ABCC12: variants seen among roughly 807,000 people sequenced by gnomAD.
The protein encoded by ABCC12 is ATP-binding cassette sub-family C member 12.
In ABCC12, 142 loss-of-function variants were observed where a neutral mutation model predicts 151.1. That is an observed-to-expected ratio of 0.94 (90% CI 0.82 to 1.08). The LOEUF (loss-of-function observed/expected upper bound fraction) is 1.08, where lower values mean the gene tolerates loss of function less well. Among genes scored for constraint, ABCC12 ranks in the 50% least tolerant of loss-of-function variants. ABCC12 has a pLI of 0.00. For missense variants in ABCC12, 1,638 were observed against 1,691.1 expected, an observed-to-expected ratio of 0.97 and a Z score of 0.55; for synonymous variants, 645 against 646.4, an observed-to-expected ratio of 1.00 and a Z score of 0.03.
rs187475642 is a variant in ABCC12 at position 48,117,110 on chromosome 16, G to A, written c.1785+151C>T. ...ACATCCAGCAAGTATAGATCCAGAG[G>A]AAGAATTCAGAATGGGTGGAACCTG... is the stretch of plus-strand genomic sequence containing the variant. On this transcript the variant is annotated intron_variant, in intron 14 of 30. Coordinates refer to ENST00000311303, the MANE Select transcript of ABCC12 (RefSeq NM_001393797.1). The A allele has an allele frequency of 1.2e-4, 82 of 659,734 alleles. No individual in the cohort carries two copies. The East Asian group carries it at 2.3e-3, about 18-fold the overall frequency. The allele number at this position is 659,734 out of a possible 1,614,324, so 40.9% of individuals were successfully genotyped here. A position where few individuals can be genotyped will look rare whatever the true frequency, so the allele number is the denominator to read the frequency against.
chr16:48,100,904 G>C lies in ABCC12; in HGVS notation c.3006C>G (p.His1002Gln). Residue 1002 changes from histidine to glutamine, a missense_variant, in exon 23 of 31, where the codon CAC (histidine) becomes CAG (glutamine). Physicochemically the swap from His to Gln is conservative, Grantham distance 24. Coordinates refer to ENST00000311303, the MANE Select transcript of ABCC12 (RefSeq NM_001393797.1). ...TGCAGCTCTCCTTCTTGCCATAGGC[G>C]TGAATGATGCCCAGGCCCTGCATGG... is the stretch of plus-strand genomic sequence containing the variant. ...TSSMQGLGII[H>Q]AYGKKESCIT... The C allele has an allele frequency of 6.2e-7, 1 of 1,614,186 alleles. No homozygotes were observed. Among genetic ancestry groups the C allele is most frequent in the South Asian group, 1.1e-5 (1 of 91,076 alleles).
At chr16:48,123,710 C>A (rs1964146594) in intron 12 of ABCC12, among the ~76,000 whole-genome samples, 1 of 152,192 alleles carries the variant, frequency 6.6e-6, no homozygotes, top group African/African-American at 2.4e-5. Context: ...TGGGGTCACC[C>A]AACTAGAAGG....
In ABCC12 at chr16:48,141,203, C is replaced by T. The variant is rs373333773; in HGVS notation, c.423+3G>A. On this transcript the variant is annotated splice_donor_region_variant and intron_variant, in intron 5 of 30. Coordinates refer to ENST00000311303, the MANE Select transcript of ABCC12 (RefSeq NM_001393797.1). ...GATGAGGAGGAAGGGCTGCCGCACT[C>T]ACCGGCCCTATGGCTGCCATGATGA... The T allele has an allele frequency of 1.9e-6, 3 of 1,613,508 alleles. No individual in the cohort carries two copies. In the South Asian group the frequency reaches 3.3e-5, roughly 18 times the overall value.
At chr16:48,094,624 G>C (rs1449347604) in intron 24 of ABCC12, among the ~76,000 whole-genome samples, 1 of 152,164 alleles carries the variant, frequency 6.6e-6, no homozygotes, top group African/African-American at 2.4e-5. Context: ...AGGCATGGGA[G>C]CACACATGCA....
intron 15 of ABCC12, 134 bp from the exon 16 acceptor site, chr16:48,112,044 A>G: frequency 8.8e-7 from 1 of 1,131,832 alleles, no homozygotes; most frequent in Admixed American, 2.8e-5. Flanking sequence ...TGTCCTGTGC[A>G]TTGTAGGATA....
chr16:48,152,159 T>C (rs1436995089), intron 2 of ABCC12, among the ~76,000 whole-genome samples: 3 of 152,234 alleles, frequency 2.0e-5, no homozygotes, highest in African/African-American at 7.2e-5. Flanking sequence ...CAGAATTTTC[T>C]GTACCCAAGG....
chr16:48,152,759 C>A (rs1344216424), intron 2 of ABCC12, among the ~76,000 whole-genome samples: 1 of 152,186 alleles, frequency 6.6e-6, no homozygotes, highest in African/African-American at 2.4e-5. Context: ...GCATACCCTG[C>A]GTCTAGTCTT....
chr16:48,145,846 T>C (rs989374024), intron 3 of ABCC12, among the ~76,000 whole-genome samples: 12 of 152,228 alleles, frequency 7.9e-5, no homozygotes, highest in African/African-American at 2.9e-4. Context: ...AGTTGCTTTA[T>C]TTTATGGGTC....
chr16:48,091,386 G>A, intron 24 of ABCC12, 177 bp from the exon 25 acceptor site: 1 of 616,656 alleles, frequency 1.6e-6, no homozygotes, highest in South Asian at 1.9e-5. Context: ...TCCTGTTCGG[G>A]TGTTTTGCCT....
At chr16:48,125,572 A>C (rs1191359620) in intron 11 of ABCC12, among the ~76,000 whole-genome samples, 1 of 152,182 alleles carries the variant, frequency 6.6e-6, no homozygotes, top group Non-Finnish European at 1.5e-5. Context: ...CATTGCAGGC[A>C]AACAGCCCAT....
intron 13 of ABCC12, among the ~76,000 whole-genome samples, chr16:48,119,284 C>T (rs544620799): frequency 6.6e-6 from 1 of 152,370 alleles, no homozygotes; most frequent in East Asian, 1.9e-4. Context: ...GCTCATTCCT[C>T]CCTGGTGCAC....
At chr16:48,092,146 A>C (rs965339361) in intron 24 of ABCC12, among the ~76,000 whole-genome samples, 1 of 152,256 alleles carries the variant, frequency 6.6e-6, no homozygotes, top group Non-Finnish European at 1.5e-5. Flanking sequence ...GAGTGCGGGC[A>C]TCTGACTCCA....
At position 48,140,682 on chromosome 16, in the gene ABCC12, C is replaced by A. The variant is rs1964773400; in HGVS notation, c.657+5G>T. On this transcript the variant is annotated splice_donor_5th_base_variant and intron_variant, in intron 6 of 30. Coordinates refer to ENST00000311303, the MANE Select transcript of ABCC12 (RefSeq NM_001393797.1). ...CCAACATTAAACTCCTCTGAGCCAG[C>A]TTACCTCGCCAACAGAGATGTGGGT... The A allele has an allele frequency of 6.2e-7, 1 of 1,613,370 alleles. No individual in the cohort carries two copies.
intron 24 of ABCC12, among the ~76,000 whole-genome samples, chr16:48,093,094 G>A (rs971817443): frequency 1.3e-5 from 2 of 152,192 alleles, no homozygotes; most frequent in East Asian, 3.9e-4. Context: ...ACAACCTGGC[G>A]GGAGGGACGT....
At chr16:48,114,521 G>A (rs941523557) in intron 15 of ABCC12, among the ~76,000 whole-genome samples, 3 of 152,124 alleles carry the variant, frequency 2.0e-5, no homozygotes, top group African/African-American at 4.8e-5. Flanking sequence ...TAAAGAAGAC[G>A]GGACACTTGC....
chr16:48,106,049 C>A (rs1288485752), intron 20 of ABCC12, among the ~76,000 whole-genome samples: 4 of 152,200 alleles, frequency 2.6e-5, no homozygotes. Context: ...GAGAAATTGG[C>A]AGTTTCGTTT....
intron 8 of ABCC12, among the ~76,000 whole-genome samples, chr16:48,136,571 G>A (rs1964617762): frequency 6.6e-6 from 1 of 152,234 alleles, no homozygotes; most frequent in African/African-American, 2.4e-5. Context: ...CAGTGGGATA[G>A]ATAGACAAGA....
intron 8 of ABCC12, among the ~76,000 whole-genome samples, chr16:48,137,234 T>A (rs1395516369): frequency 6.6e-6 from 1 of 152,148 alleles, no homozygotes; most frequent in Non-Finnish European, 1.5e-5. Flanking sequence ...GCCAACAAAC[T>A]CGTGGCTATT....
chr16:48,124,897 T>C (rs1201367851), intron 11 of ABCC12, among the ~76,000 whole-genome samples: 3 of 152,266 alleles, frequency 2.0e-5, no homozygotes, highest in Admixed American at 6.5e-5. Context: ...ACTTACCTTG[T>C]AGTCAGGGGA....
Sources: allele counts gnomAD v4.1 joint callset (sites outside exome capture counted in the v4.1 genomes callset), GRCh38; gene constraint gnomAD v4.1.1; transcripts MANE v1.5; gene names NCBI Gene and HGNC (gene_info 2026-07-23, HGNC 2026-07-21).